Variants in SGCB observed in about 807,000 individuals in gnomAD.
The protein encoded by SGCB is sarcoglycan beta.
In SGCB, 25 loss-of-function variants were observed where a neutral mutation model predicts 27.3. The observed-to-expected ratio is 0.92, with a 90% confidence interval of 0.67 to 1.28. The LOEUF is 1.28. Ranked by LOEUF, SGCB falls within the 50% of genes most tolerant of loss-of-function variation. SGCB has a pLI of 0.00. For synonymous variants in SGCB, 147 were observed against 133.5 expected, an observed-to-expected ratio of 1.10 and a Z score of -0.70; for missense variants, 436 against 402.1, an observed-to-expected ratio of 1.08 and a Z score of -0.72.
intron 1 of SGCB, 119 bp downstream of exon 1, chr4:52,038,108 G>T: frequency 9.3e-6 from 1 of 107,428 alleles, no homozygotes; most frequent in Non-Finnish European, 1.4e-5. Context: ...CGGCCCCGCC[G>T]AACCCAGACC....
At chr4:52,027,881 AT>A in intron 5 of SGCB, 86 bp downstream of exon 5, 1 of 1,259,498 alleles carries the variant, frequency 7.9e-7, no homozygotes, top group East Asian at 2.3e-5. Flanking sequence ...CAATTATATC[AT>A]TTTCAATAAT....
At chr4:52,032,074 A>G (rs879127965) in intron 2 of SGCB, 5 of 409,698 alleles carry the variant, frequency 1.2e-5, no homozygotes, top group South Asian at 9.0e-5. Context: ...GCAGGCAGAT[A>G]GAATCCTCTC....
rs886044070 is a variant in SGCB, at chr4:52,038,240, G to A, written c.20C>T (p.Ala7Val). Residue 7 changes from alanine to valine, a missense_variant, in exon 1 of 6, where the codon GCG becomes GTG. Physicochemically the swap from Ala to Val is moderately conservative, Grantham distance 64. Transcript: ENST00000381431. MAAAAA[A>V]AAEQQSSNGP... ...GTACTCACAGACCTGTTCTGCAGCC[G>A]CCGCCGCCGCTGCCGCCATCTTCCC... is the stretch of plus-strand genomic sequence containing the variant. The A allele has an allele frequency of 3.1e-6, 4 of 1,288,062 alleles. No individual in the cohort carries two copies. The highest frequency in any genetic ancestry group is 2.5e-5 in the South Asian group (1 of 39,880). The allele number at this position is 1,288,062 out of a possible 1,614,324, so 79.8% of individuals were successfully genotyped here.
Position 52,033,421 on chromosome 4 carries a change from A to G in SGCB, c.243+10T>C. ...TGGCAATTAAAATGAGTATTCTTAC[A>G]AATACTCACTATTAAATTGATGACA... On this transcript the variant is annotated intron_variant, in intron 2 of 5. Coordinates refer to ENST00000381431, the MANE Select transcript of SGCB (RefSeq NM_000232.5). The G allele has an allele frequency of 1.3e-6, 2 of 1,553,732 alleles. No individual in the cohort carries two copies. The highest frequency in any genetic ancestry group is 1.8e-6 in the Non-Finnish European group (2 of 1,124,796).
At chr4:52,026,557 T>C (rs1737103265) in intron 5 of SGCB, among the ~76,000 whole-genome samples, 1 of 152,052 alleles carries the variant, frequency 6.6e-6, no homozygotes, top group Non-Finnish European at 1.5e-5. Flanking sequence ...GCGCCCGGCC[T>C]AAATTGCTTC....
Position 52,028,877 on chromosome 4 carries a change from G to C in SGCB, c.474C>G (p.Asn158Lys), listed in dbSNP as rs1412020365. 1 of 1,613,866 alleles carries C rather than the reference G, an allele frequency of 6.2e-7. No homozygotes were observed. Among genetic ancestry groups the C allele is most frequent in the Non-Finnish European group, 8.5e-7 (1 of 1,179,878 alleles). Residue 158 changes from asparagine (N) to lysine (K), a missense_variant, in exon 4 of 6, where the codon AAC becomes AAG. Physicochemically the swap from Asn to Lys is moderately conservative, Grantham distance 94. Transcript: ENST00000381431. ...CGATGTCACTTGTAATAGAAGTTTT[G>C]TTGTTTTCTACACTGAGCTTTGTTG... ...QGTTKLSVEN[N>K]KTSITSDIGM...
At chr4:52,027,881 A>C in intron 5 of SGCB, 87 bp downstream of exon 5, 1 of 1,259,498 alleles carries the variant, frequency 7.9e-7, no homozygotes, top group East Asian at 2.3e-5. Flanking sequence ...CAATTATATC[A>C]TTTTCAATAA....
chr4:52,035,875 A>G (rs186522621), intron 1 of SGCB, among the ~76,000 whole-genome samples: 1 of 152,340 alleles, frequency 6.6e-6, no homozygotes, highest in East Asian at 1.9e-4. Flanking sequence ...AGAAAGGACA[A>G]AATTCATCCC....
Position 52,028,002 on chromosome 4 carries a change from T to A in SGCB, c.719A>T (p.Glu240Val), listed in dbSNP as rs200018958. 2 of 1,613,894 alleles carry A rather than the reference T, an allele frequency of 1.2e-6. No homozygotes were observed. Among genetic ancestry groups the A allele is most frequent in the Non-Finnish European group, 1.7e-6 (2 of 1,179,822 alleles). ...EGVFIMGKTI[E>V]FHMGGNMELK... ...CTCCATATTACCACCCATGTGAAAT[T>A]CAATGGTTTTGCCCATAATGAATAC... Residue 240 changes from glutamate to valine, a missense_variant, in exon 5 of 6, where the codon GAA (glutamate) becomes GTA (valine). Coordinates refer to ENST00000381431, the MANE Select transcript of SGCB (RefSeq NM_000232.5).
rs1210289875 is a variant in SGCB, at chr4:52,023,207, C to T, written c.*750G>A. 1 of 152,156 alleles carries T rather than the reference C, an allele frequency of 6.6e-6. No individual in the cohort carries two copies. The allele number at this position is 152,156 out of a possible 1,614,324, so 9.4% of individuals were successfully genotyped here. ...GGTAAAACTTGGATAATACCACCTA[C>T]TTGCAGGGTTGTGGTGAGAATTGGG... On this transcript the variant is annotated 3_prime_UTR_variant, in exon 6 of 6. Coordinates refer to ENST00000381431, the MANE Select transcript of SGCB (RefSeq NM_000232.5).
At chr4:52,025,448 C>G (rs1441433223) in intron 5 of SGCB, among the ~76,000 whole-genome samples, 1 of 152,138 alleles carries the variant, frequency 6.6e-6, no homozygotes, top group Non-Finnish European at 1.5e-5. Flanking sequence ...GTAACAGTGT[C>G]TGCAAAGGCC....
chr4:52,032,083 T>A, intron 2 of SGCB: 1 of 397,976 alleles, frequency 2.5e-6, no homozygotes, highest in Non-Finnish European at 4.9e-6. Flanking sequence ...TAGAATCCTC[T>A]CTGGTCCAGT....
intron 5 of SGCB, among the ~76,000 whole-genome samples, chr4:52,025,345 T>C (rs1737061489): frequency 2.6e-5 from 3 of 116,238 alleles, no homozygotes. Context: ...AAGGACCACC[T>C]GTGGTTTGAT....
chr4:52,029,695 T>C lies in SGCB; in HGVS notation c.412A>G (p.Thr138Ala). ...GGRRNENLVI[T>A]GNNQPIVFQQ... is the part of the protein sequence containing the mutation. ...CAACTTACAGGCTGGTTGTTGCCAG[T>C]GATGACCAAATTTTCATTTCGCCTT... Residue 138 changes from threonine to alanine, a missense_variant, in exon 3 of 6, where the codon ACT becomes GCT. Coordinates refer to ENST00000381431, the MANE Select transcript of SGCB (RefSeq NM_000232.5). 2 of 1,613,516 alleles carry C rather than the reference T, an allele frequency of 1.2e-6. No individual in the cohort carries two copies. Among genetic ancestry groups the C allele is most frequent in the Non-Finnish European group, 1.7e-6 (2 of 1,179,510 alleles).
At position 52,033,629 on chromosome 4, in the gene SGCB, A is replaced by G; in HGVS notation, c.45T>C (p.Asn15=). 1.2e-6 allele frequency: 2 copies of G among 1,613,122 alleles called. No homozygotes were observed. The highest frequency in any genetic ancestry group is 1.1e-5 in the South Asian group (1 of 91,066). Reference sequence around the variant, plus strand: ...CACGCATGGACTTCTTTACAGGACCATTGGAACTTTGCTAAAAATGAAATA... The same window carrying G: ...CACGCATGGACTTCTTTACAGGACCGTTGGAACTTTGCTAAAAATGAAATA... ...AAAAAEQQSS[N]GPVKKSMREK... Residue 15 remains asparagine (N), a synonymous_variant, in exon 2 of 6, where the codon AAT becomes AAC. Coordinates refer to ENST00000381431, the MANE Select transcript of SGCB (RefSeq NM_000232.5).
rs182446466 is a variant in SGCB at position 52,028,697 on chromosome 4, T to A, written c.621+33A>T. 79 of 1,432,034 alleles carry A rather than the reference T, an allele frequency of 5.5e-5. No homozygotes were observed. The African/African-American group carries it at 9.5e-4, about 17-fold the overall frequency. 88.7% of individuals were successfully genotyped at this position (1,432,034 alleles called of 1,614,324 possible). A position where few individuals can be genotyped will look rare whatever the true frequency, so the allele number is the denominator to read the frequency against. On this transcript the variant is annotated intron_variant, in intron 4 of 5. Coordinates refer to ENST00000381431, the MANE Select transcript of SGCB (RefSeq NM_000232.5). ...TTTATAACTCTAGAGAATAATTCTC[T>A]CCCATTAGTAAAACAAAGCCAATAA...
chr4:52,026,470 G>A (rs978665228), intron 5 of SGCB, among the ~76,000 whole-genome samples: 1 of 151,916 alleles, frequency 6.6e-6, no homozygotes, highest in Non-Finnish European at 1.5e-5. Context: ...TGTTGGCCAG[G>A]CTGGTCTCGA....
chr4:52,032,368 A>C (rs1038649723), intron 2 of SGCB, among the ~76,000 whole-genome samples: 4 of 151,780 alleles, frequency 2.6e-5, no homozygotes, highest in Non-Finnish European at 5.9e-5. Flanking sequence ...TGTTCCTCCT[A>C]CTTTGTGTCT....
At chr4:52,030,479 C>G (rs755234004) in intron 2 of SGCB, among the ~76,000 whole-genome samples, 1 of 152,150 alleles carries the variant, frequency 6.6e-6, no homozygotes, top group Non-Finnish European at 1.5e-5. Context: ...TACCTTGTCT[C>G]TCAGAATTTA....
Sources: allele counts gnomAD v4.1 joint callset (sites outside exome capture counted in the v4.1 genomes callset), GRCh38; gene constraint gnomAD v4.1.1; transcripts MANE v1.5; gene names NCBI Gene and HGNC (gene_info 2026-07-23, HGNC 2026-07-21).